JMJD1C: variants seen among roughly 807,000 people sequenced by gnomAD.
JMJD1C encodes jumonji domain-containing protein 1C.
A neutral mutation model predicts 245.3 loss-of-function variants in JMJD1C; 31 were observed. The observed-to-expected ratio is 0.13, with a 90% confidence interval of 0.09 to 0.17. The LOEUF is 0.17. Ranked by LOEUF, JMJD1C falls within the 10% of genes least tolerant of loss-of-function variation. The probability of loss-of-function intolerance (pLI) is 1.00; values close to 1 mark genes in which losing one functional copy is unlikely to be tolerated. For synonymous variants in JMJD1C, 1,057 were observed against 1,017.4 expected (o/e 1.04, Z -0.74); for missense variants, 2,691 against 3,000.2 (o/e 0.90, Z 2.41).
chr10:63,452,174 T>C (rs1418021236), intron 1 of JMJD1C, among the ~76,000 whole-genome samples: 1 of 152,182 alleles, frequency 6.6e-6, no homozygotes, highest in Non-Finnish European at 1.5e-5. Flanking sequence ...GAATAGAGAA[T>C]ATATCTCTAA....
chr10:63,424,852 C>A (rs1015298072), intron 1 of JMJD1C, among the ~76,000 whole-genome samples: 63 of 152,192 alleles, frequency 4.1e-4, no homozygotes, highest in Non-Finnish European at 7.5e-4. Flanking sequence ...TATTATAAGA[C>A]CACATTCAAA....
At chr10:63,468,975 A>G (rs917698013), upstream of JMJD1C, among the ~76,000 whole-genome samples, 1 of 152,184 alleles carries the variant, frequency 6.6e-6, no homozygotes. Context: ...TACAAAAAAA[A>G]CCCACAAACT....
intron 5 of JMJD1C, among the ~76,000 whole-genome samples, chr10:63,216,046 C>CA (rs1401782144): frequency 6.6e-6 from 1 of 152,042 alleles, no homozygotes; most frequent in Admixed American, 6.5e-5. Context: ...AAATAAAACT[C>CA]AGAGGTAGAC....
chr10:63,511,675 C>G (rs1270700025), intron 1 of JMJD1C, among the ~76,000 whole-genome samples: 2 of 151,994 alleles, frequency 1.3e-5, no homozygotes, highest in African/African-American at 4.8e-5. Flanking sequence ...TGAGATCGCA[C>G]CACTGCACTC....
intron 3 of JMJD1C, among the ~76,000 whole-genome samples, chr10:63,245,476 C>CTATT (rs1429317187): frequency 1.6e-4 from 8 of 49,060 alleles, no homozygotes; most frequent in African/African-American, 5.8e-4. Context: ...TGCAGGGGAA[C>CTATT]TCTTTTTTTT....
chr10:63,485,932 C>T (rs1443214460), intron 1 of JMJD1C, among the ~76,000 whole-genome samples: 1 of 151,698 alleles, frequency 6.6e-6, no homozygotes, highest in Non-Finnish European at 1.5e-5. Flanking sequence ...AATAAAACGG[C>T]CTATATAATT....
At chr10:63,197,695 A>C in intron 12 of JMJD1C, 132 bp from the exon 13 acceptor site, 1 of 657,986 alleles carries the variant, frequency 1.5e-6, no homozygotes, top group Middle Eastern at 2.6e-4. Context: ...ACTGAAGACC[A>C]ATAGCTTTCT....
intron 1 of JMJD1C, among the ~76,000 whole-genome samples, chr10:63,432,874 A>C (rs1950844593): frequency 6.6e-6 from 1 of 152,188 alleles, no homozygotes; most frequent in Admixed American, 6.5e-5. Flanking sequence ...GATGATCACA[A>C]TGCTATGAAC....
At chr10:63,174,336 T>G (rs920928167) in intron 24 of JMJD1C, among the ~76,000 whole-genome samples, 1 of 152,102 alleles carries the variant, frequency 6.6e-6, no homozygotes, top group Non-Finnish European at 1.5e-5. Context: ...AAAAAAATAT[T>G]CATACAACTA....
intron 1 of JMJD1C, among the ~76,000 whole-genome samples, chr10:63,432,784 T>C (rs1362534040): frequency 6.6e-6 from 1 of 152,182 alleles, no homozygotes; most frequent in Non-Finnish European, 1.5e-5. Context: ...ATAAGAAGCA[T>C]ACAACATTGT....
At position 63,215,586 on chromosome 10, in the gene JMJD1C, C is replaced by T; in HGVS notation, c.789G>A (p.Arg263=). Residue 263 remains arginine, a synonymous_variant, in exon 6 of 26, where the codon AGG becomes AGA. Coordinates refer to ENST00000399262, the MANE Select transcript of JMJD1C (RefSeq NM_032776.3). ...CGTTGACGTTTTGATTGGCACGAGA[C>T]CTGCGTCGTGATGTAATGCCAATAT... ...GENIGITSRR[R]SRANQNVNAV... is the part of the protein sequence containing the mutation. 6.2e-7 allele frequency: 1 copy of T among 1,610,790 alleles called. No individual in the cohort carries two copies. Among genetic ancestry groups the T allele is most frequent in the Admixed American group, 1.7e-5 (1 of 59,924 alleles).
intron 1 of JMJD1C, among the ~76,000 whole-genome samples, chr10:63,462,733 A>T (rs866224491): frequency 2.6e-5 from 4 of 152,228 alleles, no homozygotes; most frequent in Non-Finnish European, 5.9e-5. Flanking sequence ...TCTAAAAACT[A>T]GAAAAGGAAA....
chr10:63,502,879 G>A (rs1362123267), intron 1 of JMJD1C, among the ~76,000 whole-genome samples: 1 of 152,060 alleles, frequency 6.6e-6, no homozygotes, highest in Non-Finnish European at 1.5e-5. Flanking sequence ...CGAGAAACAT[G>A]AGCTGCACAG....
In JMJD1C at chr10:63,366,720, C is replaced by T. The variant is rs1945870784; in HGVS notation, c.333+13598G>A. ...CAGTGGAATTTACAAATAATAGCTC[C>T]AACTACAGCTGTATTACAATCAATT... On this transcript the variant is annotated intron_variant, in intron 2 of 25. Coordinates refer to ENST00000399262, the MANE Select transcript of JMJD1C (RefSeq NM_032776.3). 2.0e-5 allele frequency among the ~76,000 whole-genome samples: 3 copies of T among 152,270 alleles called. No homozygotes were observed. In the South Asian group the frequency reaches 6.2e-4, roughly 32 times the overall value.
At chr10:63,403,516 T>C (rs1564883938) in intron 1 of JMJD1C, among the ~76,000 whole-genome samples, 1 of 152,184 alleles carries the variant, frequency 6.6e-6, no homozygotes, top group African/African-American at 2.4e-5. Context: ...TAGTCAAAAT[T>C]AATAGTATTT....
chr10:63,366,866 T>C (rs1219206199), intron 2 of JMJD1C, among the ~76,000 whole-genome samples: 1 of 152,208 alleles, frequency 6.6e-6, no homozygotes, highest in African/African-American at 2.4e-5. Context: ...ATATAATCCC[T>C]TGATTATTGT....
At position 63,425,121 on chromosome 10, in the gene JMJD1C, G is replaced by GA. The variant is rs1480228562; in HGVS notation, c.168+40373dup. Among the ~76,000 whole-genome samples, 6 of 151,820 alleles carry GA rather than the reference G, an allele frequency of 4.0e-5. No homozygotes were observed. The East Asian group carries it at 5.8e-4, about 15-fold the overall frequency. On this transcript the variant is annotated intron_variant, in intron 1 of 25. Coordinates refer to ENST00000399262, the MANE Select transcript of JMJD1C (RefSeq NM_032776.3). ...TTTAGAAATTCACCTTATTTTCTGG[G>GA]AAAAAAATAAAAGTGGAAAAGATGG...
intron 2 of JMJD1C, among the ~76,000 whole-genome samples, chr10:63,364,240 C>T (rs10995519): frequency 0.01 from 1,585 of 152,176 alleles, 17 homozygotes; most frequent in East Asian, 0.048. Flanking sequence ...AACTTCTGGG[C>T]TCAAGCGGTT....
intron 11 of JMJD1C, among the ~76,000 whole-genome samples, chr10:63,199,679 A>C (rs1410922660): frequency 6.6e-6 from 1 of 151,954 alleles, no homozygotes. Flanking sequence ...ACCTCTTATA[A>C]TTATTCCCTG....
Sources: allele counts gnomAD v4.1 joint callset (sites outside exome capture counted in the v4.1 genomes callset), GRCh38; gene constraint gnomAD v4.1.1; transcripts MANE v1.5; gene names NCBI Gene and HGNC (gene_info 2026-07-23, HGNC 2026-07-21).